Variants in BCAS4 observed in about 807,000 individuals in gnomAD.
The protein encoded by BCAS4 is breast carcinoma amplified sequence 4.
A neutral mutation model predicts 15.7 loss-of-function variants in BCAS4; 9 were observed. The ratio of observed to expected loss-of-function variants is 0.57; its 90% CI spans 0.34 to 1.00. The LOEUF (loss-of-function observed/expected upper bound fraction) is 1.00. Among genes scored for constraint, BCAS4 ranks in the 50% least tolerant of loss-of-function variants. BCAS4 has a pLI of 0.02. For synonymous variants in BCAS4, 101 were observed against 99.5 expected (o/e 1.02, Z -0.09); for missense variants, 225 against 239.1 (o/e 0.94, Z 0.39).
intron 2 of BCAS4, among the ~76,000 whole-genome samples, chr20:50,819,834 C>T (rs919218172): frequency 1.3e-5 from 2 of 151,170 alleles, no homozygotes; most frequent in Admixed American, 6.6e-5. Context: ...TTCCCTCCGT[C>T]CCTCCCTTCC....
At chr20:50,873,749 C>T (rs1438685547) in intron 4 of BCAS4, among the ~76,000 whole-genome samples, 1 of 152,180 alleles carries the variant, frequency 6.6e-6, no homozygotes, top group African/African-American at 2.4e-5. Context: ...AGGAATAGAC[C>T]TTGTCTCCCG....
At chr20:50,874,112 G>A (rs1979796001) in intron 4 of BCAS4, among the ~76,000 whole-genome samples, 1 of 152,070 alleles carries the variant, frequency 6.6e-6, no homozygotes, top group African/African-American at 2.4e-5. Flanking sequence ...TCTCTCTCCT[G>A]CTCTTCCTGA....
At chr20:50,852,769 C>A (rs1463927045) in intron 4 of BCAS4, among the ~76,000 whole-genome samples, 1 of 152,238 alleles carries the variant, frequency 6.6e-6, no homozygotes, top group Non-Finnish European at 1.5e-5. Context: ...TTAAATAAAT[C>A]TCCTCAGGGC....
chr20:50,864,171 T>C (rs2123840345), intron 4 of BCAS4, among the ~76,000 whole-genome samples: 1 of 152,286 alleles, frequency 6.6e-6, no homozygotes, highest in African/African-American at 2.4e-5. Context: ...GGCCCCTTTG[T>C]CAAACTTACT....
intron 4 of BCAS4, among the ~76,000 whole-genome samples, chr20:50,873,134 A>G (rs1213454260): frequency 6.6e-6 from 1 of 152,222 alleles, no homozygotes; most frequent in Non-Finnish European, 1.5e-5. Flanking sequence ...TCCAGGCCTA[A>G]AGACGCCATC....
At chr20:50,874,063 C>G (rs1342413563) in intron 4 of BCAS4, among the ~76,000 whole-genome samples, 1 of 152,176 alleles carries the variant, frequency 6.6e-6, no homozygotes, top group Non-Finnish European at 1.5e-5. Context: ...ACACATGAAA[C>G]AGCCTCCTGC....
intron 1 of BCAS4, among the ~76,000 whole-genome samples, chr20:50,797,262 C>T (rs1009968843): frequency 5.9e-5 from 9 of 152,054 alleles, no homozygotes; most frequent in African/African-American, 1.9e-4. Flanking sequence ...TATGGGGCTT[C>T]GTTTTGGTGT....
chr20:50,842,371 TC>T (rs779371349), intron 4 of BCAS4, among the ~76,000 whole-genome samples: 119 of 152,298 alleles, frequency 7.8e-4, no homozygotes, highest in Non-Finnish European at 3.2e-4. Flanking sequence ...TCCTCTGTCT[TC>T]CTGGGATCCT....
At chr20:50,834,377 C>A (rs534396884) in intron 3 of BCAS4, among the ~76,000 whole-genome samples, 155 of 147,646 alleles carry the variant, frequency 1.0e-3, no homozygotes, top group African/African-American at 3.8e-3. Flanking sequence ...CTCACTGCAA[C>A]CTCTGCCTCC....
intron 2 of BCAS4, among the ~76,000 whole-genome samples, chr20:50,819,010 C>T (rs1721946866): frequency 6.6e-6 from 1 of 152,118 alleles, no homozygotes; most frequent in Non-Finnish European, 1.5e-5. Context: ...TGGTGAAACC[C>T]TGCCTCTACC....
chr20:50,876,342 G>A, intron 4 of BCAS4, 144 bp from the exon 5 acceptor site: 1 of 1,150,362 alleles, frequency 8.7e-7, no homozygotes, highest in Non-Finnish European at 1.2e-6. Flanking sequence ...GGCTTTGGCT[G>A]TCACAGGCAG....
chr20:50,805,236 G>A (rs575477532), intron 1 of BCAS4, among the ~76,000 whole-genome samples: 13 of 152,148 alleles, frequency 8.5e-5, no homozygotes, highest in South Asian at 4.1e-4. Context: ...CACTGCACCC[G>A]TTATCTGTCA....
chr20:50,881,638 A>G (rs917388811), downstream of BCAS4: 4 of 152,126 alleles, frequency 2.6e-5, no homozygotes, highest in African/African-American at 7.2e-5. Context: ...GCTGGCAAGG[A>G]TTAAAATTTT....
At chr20:50,808,663 G>A (rs1181072977) in intron 1 of BCAS4, among the ~76,000 whole-genome samples, 1 of 152,040 alleles carries the variant, frequency 6.6e-6, no homozygotes, top group Non-Finnish European at 1.5e-5. Context: ...CTTGTTTTGA[G>A]AACTGTCTAT....
rs371931334 is a variant in BCAS4 at position 50,873,772 on chromosome 20, AG to A, written c.400-2713del. 2.6e-5 allele frequency among the ~76,000 whole-genome samples: 4 copies of A among 152,270 alleles called. No individual in the cohort carries two copies. The East Asian group carries it at 7.7e-4, about 29-fold the overall frequency. On this transcript the variant is annotated intron_variant, in intron 4 of 4. Transcript: ENST00000371608. ...ACCTTGTCTCCCGAGTCATCCCCTG[AG>A]CAGGCTGAGCCAAGAGTGGCTGACT...
intron 2 of BCAS4, among the ~76,000 whole-genome samples, chr20:50,823,868 C>T (rs1037573210): frequency 1.3e-5 from 2 of 151,998 alleles, no homozygotes; most frequent in Non-Finnish European, 2.9e-5. Context: ...GTGGTGGTTA[C>T]ACAGATGTAA....
At chr20:50,805,737 G>A (rs755043949) in intron 1 of BCAS4, among the ~76,000 whole-genome samples, 1 of 152,186 alleles carries the variant, frequency 6.6e-6, no homozygotes. Context: ...CACTTTGGGA[G>A]GCCGAGGTGG....
intron 4 of BCAS4, among the ~76,000 whole-genome samples, chr20:50,843,867 G>A (rs564399464): frequency 6.6e-6 from 1 of 152,322 alleles, no homozygotes; most frequent in East Asian, 1.9e-4. Flanking sequence ...TTTGGGGCCG[G>A]GCACGGTGGC....
intron 4 of BCAS4, among the ~76,000 whole-genome samples, chr20:50,860,743 GCACACAC>G (rs1263457412): frequency 9.2e-5 from 14 of 152,100 alleles, no homozygotes; most frequent in Non-Finnish European, 1.8e-4. Flanking sequence ...AGGTGTGAAG[GCACACAC>G]CTGCAATCCC....
Sources: allele counts gnomAD v4.1 joint callset (sites outside exome capture counted in the v4.1 genomes callset), GRCh38; gene constraint gnomAD v4.1.1; transcripts MANE v1.5; gene names NCBI Gene and HGNC (gene_info 2026-07-23, HGNC 2026-07-21).